ARL15: variants seen among roughly 807,000 people sequenced by gnomAD.
ARL15 encodes the protein ADP-ribosylation factor-like protein 15.
ARL15 carries 19 observed loss-of-function variants against 25.2 expected under a neutral mutation model. The observed-to-expected ratio is 0.75, with a 90% CI of 0.53 to 1.10. ARL15 has a LOEUF of 1.10. Among genes scored for constraint, ARL15 ranks in the 50% least tolerant of loss-of-function variants. ARL15 has a pLI of 0.00. For synonymous variants in ARL15, 94 were observed against 86.8 expected (o/e 1.08, Z -0.46); for missense variants, 220 against 246.0 (o/e 0.89, Z 0.71).
At chr5:54,232,120 A>C (rs1299603120) in intron 1 of ARL15, among the ~76,000 whole-genome samples, 1 of 152,088 alleles carries the variant, frequency 6.6e-6, no homozygotes, top group African/African-American at 2.4e-5. Flanking sequence ...CTCACTCTTT[A>C]AGTCTCAGCC....
intron 4 of ARL15, among the ~76,000 whole-genome samples, chr5:53,895,950 G>T (rs987186015): frequency 6.6e-6 from 1 of 152,180 alleles, no homozygotes; most frequent in African/African-American, 2.4e-5. Flanking sequence ...ATCACAAAGA[G>T]AATCTATCAG....
chr5:54,043,718 C>T (rs1048651827), intron 4 of ARL15, among the ~76,000 whole-genome samples: 11 of 151,980 alleles, frequency 7.2e-5, no homozygotes, highest in East Asian at 1.9e-4. Context: ...AATACAACAC[C>T]GAAAACAAAT....
chr5:53,895,087 C>G (rs954396026), intron 4 of ARL15, among the ~76,000 whole-genome samples: 2 of 152,168 alleles, frequency 1.3e-5, no homozygotes, highest in African/African-American at 4.8e-5. Flanking sequence ...CTACCTAGCC[C>G]TTTATAGAAA....
Position 54,170,874 on chromosome 5 carries a change from T to C in ARL15, c.193+910A>G, listed in dbSNP as rs115407339. ...AACACTGGACCTAGCACATAGTAGGTGCTCAAAATAAGCTGGCTGATGAAC... is the reference window on the plus strand; with the variant it reads ...AACACTGGACCTAGCACATAGTAGGCGCTCAAAATAAGCTGGCTGATGAAC... On this transcript the variant is annotated intron_variant, in intron 2 of 4. Coordinates refer to ENST00000504924, the MANE Select transcript of ARL15 (RefSeq NM_019087.3). Among the ~76,000 whole-genome samples, 22 of 152,318 alleles carry C rather than the reference T, an allele frequency of 1.4e-4. No homozygotes were observed. The South Asian group carries it at 4.1e-3, about 29-fold the overall frequency.
chr5:54,243,791 A>C (rs1303367768), intron 1 of ARL15, among the ~76,000 whole-genome samples: 1 of 152,212 alleles, frequency 6.6e-6, no homozygotes, highest in Non-Finnish European at 1.5e-5. Flanking sequence ...TGGCCTCTAA[A>C]GTATTTTGCT....
chr5:53,960,587 AGTAAAGAGAC>A (rs1747330025), intron 4 of ARL15, among the ~76,000 whole-genome samples: 1 of 152,220 alleles, frequency 6.6e-6, no homozygotes, highest in Admixed American at 6.5e-5. Context: ...TGTATTGCTG[AGTAAAGAGAC>A]GTCAAGATGT....
At chr5:54,046,488 A>T (rs1177162570) in intron 4 of ARL15, among the ~76,000 whole-genome samples, 1 of 152,246 alleles carries the variant, frequency 6.6e-6, no homozygotes, top group Non-Finnish European at 1.5e-5. Context: ...CTCAAAATAC[A>T]TAAGCAGAGA....
At chr5:54,227,884 T>A (rs1756568720) in intron 1 of ARL15, among the ~76,000 whole-genome samples, 1 of 152,162 alleles carries the variant, frequency 6.6e-6, no homozygotes, top group Non-Finnish European at 1.5e-5. Context: ...GGTCTCTGGG[T>A]GTGCAGAAGG....
chr5:54,045,973 A>G (rs1275774326), intron 4 of ARL15, among the ~76,000 whole-genome samples: 1 of 152,216 alleles, frequency 6.6e-6, no homozygotes, highest in Non-Finnish European at 1.5e-5. Context: ...ATGGAAGGGT[A>G]CTTATTAGAA....
chr5:53,983,659 T>C (rs570894387), intron 4 of ARL15, among the ~76,000 whole-genome samples: 1 of 152,344 alleles, frequency 6.6e-6, no homozygotes, highest in African/African-American at 2.4e-5. Context: ...CAGCAAATCA[T>C]TTTTAATAGC....
At chr5:54,013,112 C>T (rs1334112566) in intron 4 of ARL15, among the ~76,000 whole-genome samples, 1 of 152,156 alleles carries the variant, frequency 6.6e-6, no homozygotes, top group Non-Finnish European at 1.5e-5. Flanking sequence ...CTTTCTTTTT[C>T]CTACTTTCTT....
chr5:53,999,641 G>A (rs989371950), intron 4 of ARL15, among the ~76,000 whole-genome samples: 6 of 152,028 alleles, frequency 3.9e-5, no homozygotes, highest in South Asian at 2.1e-4. Context: ...GGCTGGGTGC[G>A]GTGGCTCACA....
intron 4 of ARL15, among the ~76,000 whole-genome samples, chr5:54,006,851 G>A (rs550871303): frequency 7.2e-4 from 110 of 152,236 alleles, no homozygotes; most frequent in Admixed American, 1.8e-3. Context: ...AGCACTTTGG[G>A]AGGCCGAGGT....
At chr5:54,026,946 T>C (rs1398133971) in intron 4 of ARL15, among the ~76,000 whole-genome samples, 1 of 152,202 alleles carries the variant, frequency 6.6e-6, no homozygotes, top group Non-Finnish European at 1.5e-5. Flanking sequence ...TGCAAAGCTC[T>C]CTTCTTAAGG....
rs181204405 is a variant in ARL15 at position 54,035,309 on chromosome 5, C to T, written c.462+77893G>A. Among the ~76,000 whole-genome samples, 24 of 152,150 alleles carry T rather than the reference C, an allele frequency of 1.6e-4. No homozygotes were observed. The East Asian group carries it at 4.3e-3, about 27-fold the overall frequency. On this transcript the variant is annotated intron_variant, in intron 4 of 4. Coordinates refer to ENST00000504924, the MANE Select transcript of ARL15 (RefSeq NM_019087.3). The stretch of plus-strand genomic sequence containing the variant: ...CTGTCTGGAGGAAGAAATGTACAGA[C>T]ATAGTAATCAAATTCTCATACAGGA...
chr5:54,180,835 A>C (rs1755034768), intron 1 of ARL15, among the ~76,000 whole-genome samples: 2 of 152,198 alleles, frequency 1.3e-5, no homozygotes, highest in African/African-American at 4.8e-5. Flanking sequence ...CAACAAAAGA[A>C]ACAAACAGAA....
At chr5:53,951,013 A>G (rs957743749) in intron 4 of ARL15, among the ~76,000 whole-genome samples, 2 of 152,238 alleles carry the variant, frequency 1.3e-5, no homozygotes, top group Non-Finnish European at 2.9e-5. Flanking sequence ...GGCCTGCAAG[A>G]GCCAAGAATG....
At chr5:54,202,766 G>A (rs1755758152) in intron 1 of ARL15, among the ~76,000 whole-genome samples, 1 of 152,136 alleles carries the variant, frequency 6.6e-6, no homozygotes, top group African/African-American at 2.4e-5. Flanking sequence ...TATCCTTAAA[G>A]TATTTGGAGG....
intron 4 of ARL15, among the ~76,000 whole-genome samples, chr5:54,015,316 AAC>A (rs1374980708): frequency 1.3e-5 from 2 of 150,220 alleles, no homozygotes; most frequent in East Asian, 3.9e-4. Flanking sequence ...CAAAAACAAA[AAC>A]AAACAAACAA....
Sources: allele counts gnomAD v4.1 joint callset (sites outside exome capture counted in the v4.1 genomes callset), GRCh38; gene constraint gnomAD v4.1.1; transcripts MANE v1.5; gene names NCBI Gene and HGNC (gene_info 2026-07-23, HGNC 2026-07-21).